EYS: variants seen among roughly 807,000 people sequenced by gnomAD.
The protein encoded by EYS is protein eyes shut homolog.
In EYS, 250 loss-of-function variants were observed where a neutral mutation model predicts 282.1. The observed-to-expected ratio is 0.89, with a 90% CI of 0.80 to 0.98. EYS has a LOEUF of 0.98. Among genes scored for constraint, EYS ranks in the 50% least tolerant of loss-of-function variants. The pLI, the probability that EYS is intolerant of heterozygous loss-of-function variation, is 0.00. For missense variants in EYS, 4,016 were observed against 3,709.0 expected (o/e 1.08, Z -2.15); for synonymous variants, 1,355 against 1,282.9 (o/e 1.06, Z -1.20).
At chr6:64,394,756 G>A (rs566938396) in intron 28 of EYS, among the ~76,000 whole-genome samples, 147 of 152,102 alleles carry the variant, frequency 9.7e-4, no homozygotes, top group Middle Eastern at 3.4e-3. Context: ...AAAAGCAATG[G>A]CAACAAAAGA....
At chr6:65,697,863 A>G (rs1769512106) in intron 1 of EYS, among the ~76,000 whole-genome samples, 1 of 152,166 alleles carries the variant, frequency 6.6e-6, no homozygotes. Context: ...TTTATAAGAC[A>G]CAAGAAGACA....
chr6:64,383,688 GC>G (rs1188766930), intron 29 of EYS, among the ~76,000 whole-genome samples: 1 of 152,186 alleles, frequency 6.6e-6, no homozygotes. Context: ...CATTTGTTGT[GC>G]AGTGATTCTC....
At chr6:64,317,921 C>A (rs962442727) in intron 29 of EYS, among the ~76,000 whole-genome samples, 7 of 151,996 alleles carry the variant, frequency 4.6e-5, no homozygotes, top group Non-Finnish European at 1.0e-4. Context: ...AGCAAACTGA[C>A]ACAAGAACAG....
intron 12 of EYS, among the ~76,000 whole-genome samples, chr6:65,097,532 GAAAT>G (rs759255654): frequency 8.6e-5 from 13 of 151,028 alleles, no homozygotes; most frequent in Non-Finnish European, 1.3e-4. Context: ...AGGACTCGAT[GAAAT>G]AGCTGTGCTC....
At chr6:64,958,257 C>G (rs1769778465) in intron 14 of EYS, among the ~76,000 whole-genome samples, 1 of 152,054 alleles carries the variant, frequency 6.6e-6, no homozygotes, top group African/African-American at 2.4e-5. Flanking sequence ...TGGCTCAGGC[C>G]TCTAATCCTA....
chr6:64,268,952 A>T (rs1189547457), intron 30 of EYS, among the ~76,000 whole-genome samples: 1 of 152,190 alleles, frequency 6.6e-6, no homozygotes, highest in African/African-American at 2.4e-5. Context: ...GATAATTTAT[A>T]TCTGAATTAA....
At chr6:64,274,129 C>G (rs1258535474) in intron 30 of EYS, among the ~76,000 whole-genome samples, 2 of 152,198 alleles carry the variant, frequency 1.3e-5, no homozygotes, top group Non-Finnish European at 2.9e-5. Context: ...ACTTTCAGGT[C>G]TATACGCTAT....
chr6:65,246,779 C>A (rs1264656675), intron 12 of EYS, among the ~76,000 whole-genome samples: 1 of 151,944 alleles, frequency 6.6e-6, no homozygotes, highest in Non-Finnish European at 1.5e-5. Context: ...ACTTTTAAAA[C>A]AACAAAGAAT....
Position 64,307,012 on chromosome 6 carries a change from A to T in EYS, c.6149T>A (p.Ile2050Asn). The part of the protein sequence containing the change: ...VIEINNWRSF[I>N]PSKAVKNYHI... ...ATAGTTTTTCACTGCCTTGGATGGA[A>T]TGAAAGATCTCCAGTTATTTATTTC... The change falls in exon 30 of 43, where the codon ATT becomes AAT. Residue 2050 changes from isoleucine to asparagine, a missense_variant. Transcript: ENST00000503581. The T allele has an allele frequency of 6.5e-7, 1 of 1,545,270 alleles. No individual in the cohort carries two copies. The highest frequency in any genetic ancestry group is 1.2e-5 in the South Asian group (1 of 83,814).
chr6:64,152,733 A>T (rs1166661038), intron 31 of EYS, among the ~76,000 whole-genome samples: 1 of 152,112 alleles, frequency 6.6e-6, no homozygotes, highest in Non-Finnish European at 1.5e-5. Flanking sequence ...TTTCTGAGTT[A>T]TCTGAAAAGG....
At chr6:64,263,606 T>C (rs1269961008) in intron 30 of EYS, among the ~76,000 whole-genome samples, 5 of 152,158 alleles carry the variant, frequency 3.3e-5, no homozygotes, top group African/African-American at 1.2e-4. Context: ...ATATTGTCAC[T>C]GTTGTTTTTA....
chr6:64,074,900 A>G (rs1228724051), intron 32 of EYS, among the ~76,000 whole-genome samples: 2 of 151,946 alleles, frequency 1.3e-5, no homozygotes, highest in South Asian at 4.1e-4. Context: ...TCAAACTAAG[A>G]CATAGAAAGA....
chr6:64,391,893 G>C (rs189845105), intron 28 of EYS, among the ~76,000 whole-genome samples: 155 of 152,224 alleles, frequency 1.0e-3, no homozygotes, highest in Admixed American at 2.1e-3. Flanking sequence ...CTCATGTGCA[G>C]AGACACACAT....
intron 22 of EYS, among the ~76,000 whole-genome samples, chr6:64,679,321 T>C: frequency 6.6e-6 from 1 of 152,180 alleles, no homozygotes; most frequent in East Asian, 1.9e-4. Flanking sequence ...CACTTTATCT[T>C]TTTGGATATA....
In EYS at chr6:63,995,752, C is replaced by T. The variant is rs572353985; in HGVS notation, c.6834+3323G>A. 5.3e-5 allele frequency among the ~76,000 whole-genome samples: 8 copies of T among 151,916 alleles called. No individual in the cohort carries two copies. In the South Asian group the frequency reaches 6.2e-4, roughly 12 times the overall value. On this transcript the variant is annotated intron_variant, in intron 34 of 42. Coordinates refer to ENST00000503581, the MANE Select transcript of EYS (RefSeq NM_001142800.2). ...ATATGTAGAATCTAAAAATGTTGAA[C>T]TCATAGAAATAGAAAGTACAATGGT... is the stretch of plus-strand genomic sequence containing the variant.
Position 64,596,470 on chromosome 6 carries a change from G to A in EYS, c.3685-3161C>T, listed in dbSNP as rs911561137. Among the ~76,000 whole-genome samples, 6 of 152,106 alleles carry A rather than the reference G, an allele frequency of 3.9e-5. 1 individual carries two copies. The South Asian group carries it at 6.2e-4, about 16-fold the overall frequency. On this transcript the variant is annotated intron_variant, in intron 24 of 42. Transcript: ENST00000503581. ...ACTCTCTGACTTTAAATTATACTAT[G>A]TAGCTACAGTAACTTAAAGCAGCAT...
At chr6:65,574,298 A>G (rs1297002400) in intron 2 of EYS, among the ~76,000 whole-genome samples, 2 of 152,140 alleles carry the variant, frequency 1.3e-5, no homozygotes, top group Non-Finnish European at 2.9e-5. Context: ...AATTCGGTCC[A>G]AACAAGACTA....
chr6:64,401,039 G>T (rs958764207), intron 28 of EYS, among the ~76,000 whole-genome samples: 1 of 151,878 alleles, frequency 6.6e-6, no homozygotes, highest in Non-Finnish European at 1.5e-5. Context: ...CAGAGATGAG[G>T]GTGACCTACT....
At chr6:64,153,676 A>C (rs1353366786) in intron 31 of EYS, among the ~76,000 whole-genome samples, 1 of 151,918 alleles carries the variant, frequency 6.6e-6, no homozygotes, top group Non-Finnish European at 1.5e-5. Flanking sequence ...TGATGTGGAG[A>C]CACAAGAACT....
Sources: gnomAD v4.1 joint callset for allele counts (sites outside exome capture counted in the v4.1 genomes callset) on GRCh38, gnomAD v4.1.1 for gene constraint, MANE v1.5 for transcripts, NCBI Gene and HGNC (gene_info 2026-07-23, HGNC 2026-07-21) for gene names.